Variants in SYT17 observed in about 807,000 individuals in gnomAD.
SYT17 encodes the protein synaptotagmin-17.
A neutral mutation model predicts 46.7 loss-of-function variants in SYT17; 22 were observed. The ratio of observed to expected loss-of-function variants is 0.47; its 90% confidence interval spans 0.34 to 0.67. The LOEUF (loss-of-function observed/expected upper bound fraction) is 0.67, where lower values mean the gene tolerates loss of function less well. Among genes scored for constraint, SYT17 ranks in the 30% least tolerant of loss-of-function variants. The probability of loss-of-function intolerance (pLI) is 0.01; values close to 1 mark genes in which losing one functional copy is unlikely to be tolerated. For synonymous variants in SYT17, 251 were observed against 248.4 expected, an observed-to-expected ratio of 1.01 and a Z score of -0.10; for missense variants, 519 against 612.8, an observed-to-expected ratio of 0.85 and a Z score of 1.62.
chr16:19,193,804 G>T (rs930848199), intron 5 of SYT17, among the ~76,000 whole-genome samples: 1 of 152,152 alleles, frequency 6.6e-6, no homozygotes, highest in Non-Finnish European at 1.5e-5. Flanking sequence ...TTTATTCACC[G>T]AGTTCCCATG....
At chr16:19,249,865 T>C (rs905548956) in intron 7 of SYT17, 544 of 1,467,462 alleles carry the variant, frequency 3.7e-4, no homozygotes, top group Non-Finnish European at 4.7e-4. Flanking sequence ...GGGGGCTCCA[T>C]ACTTTCATCC....
At chr16:19,264,185 G>A (rs978203944) in intron 7 of SYT17, among the ~76,000 whole-genome samples, 8 of 152,196 alleles carry the variant, frequency 5.3e-5, no homozygotes, top group African/African-American at 1.7e-4. Context: ...CCAGAACTGT[G>A]AGCAATAAGT....
intron 5 of SYT17, among the ~76,000 whole-genome samples, chr16:19,186,859 A>G (rs1964811036): frequency 1.3e-5 from 2 of 151,948 alleles, no homozygotes; most frequent in African/African-American, 4.8e-5. Context: ...AGGTCCTATT[A>G]TGTGCCCGGC....
At chr16:19,180,329 G>T in intron 3 of SYT17, 62 bp from the exon 4 acceptor site, 1 of 1,592,014 alleles carries the variant, frequency 6.3e-7, no homozygotes, top group East Asian at 2.2e-5. Context: ...ACCCCCAAGG[G>T]ACAGAGATGC....
chr16:19,266,792 A>T, intron 7 of SYT17, 88 bp from the exon 8 acceptor site: 1 of 1,209,530 alleles, frequency 8.3e-7, no homozygotes, highest in Non-Finnish European at 1.2e-6. Context: ...TGTGTAGACT[A>T]ATGGCCTCTT....
At chr16:19,264,625 A>C (rs989479061) in intron 7 of SYT17, among the ~76,000 whole-genome samples, 2 of 145,952 alleles carry the variant, frequency 1.4e-5, no homozygotes, top group Non-Finnish European at 3.0e-5. Context: ...AAGCAAGGTC[A>C]CTTTGCTACC....
intron 7 of SYT17, among the ~76,000 whole-genome samples, chr16:19,255,975 C>G (rs917213086): frequency 6.6e-6 from 1 of 152,052 alleles, no homozygotes; most frequent in African/African-American, 2.4e-5. Flanking sequence ...CCAAACAGCC[C>G]AAGCCTATTT....
chr16:19,240,770 G>C (rs1241200976), intron 7 of SYT17, among the ~76,000 whole-genome samples: 1 of 152,184 alleles, frequency 6.6e-6, no homozygotes, highest in African/African-American at 2.4e-5. Context: ...TTCATGCCGA[G>C]AGGCACCTGC....
At chr16:19,207,263 T>C (rs1329790159) in intron 5 of SYT17, among the ~76,000 whole-genome samples, 1 of 152,234 alleles carries the variant, frequency 6.6e-6, no homozygotes, top group Non-Finnish European at 1.5e-5. Flanking sequence ...CCTCTTTTCT[T>C]TATAAATTAC....
intron 7 of SYT17, 107 bp downstream of exon 7, chr16:19,224,945 T>C (rs753776272): frequency 1.5e-4 from 194 of 1,324,752 alleles, no homozygotes; most frequent in Middle Eastern, 2.6e-4. Flanking sequence ...ACGTAATGTC[T>C]GGCATTCAAC....
intron 7 of SYT17, among the ~76,000 whole-genome samples, chr16:19,237,052 T>A (rs934961789): frequency 6.6e-6 from 1 of 152,192 alleles, no homozygotes; most frequent in Non-Finnish European, 1.5e-5. Context: ...TAGAGATCAG[T>A]CCCTAGGAGC....
intron 5 of SYT17, among the ~76,000 whole-genome samples, chr16:19,190,649 C>T (rs1392457529): frequency 6.6e-6 from 1 of 152,148 alleles, no homozygotes; most frequent in African/African-American, 2.4e-5. Flanking sequence ...TAAGTAGAGT[C>T]ATAGATTATT....
At chr16:19,246,180 C>T (rs1191084040) in intron 7 of SYT17, among the ~76,000 whole-genome samples, 6 of 151,734 alleles carry the variant, frequency 4.0e-5, no homozygotes, top group Admixed American at 1.3e-4. Context: ...TTAGTAGAAT[C>T]GGGGTTTCAC....
At chr16:19,254,022 C>T (rs1431071358) in intron 7 of SYT17, among the ~76,000 whole-genome samples, 1 of 152,228 alleles carries the variant, frequency 6.6e-6, no homozygotes, top group Non-Finnish European at 1.5e-5. Flanking sequence ...AACCACCGCA[C>T]CCAGTCCTCT....
At chr16:19,265,069 T>C (rs1969270446) in intron 7 of SYT17, among the ~76,000 whole-genome samples, 1 of 152,220 alleles carries the variant, frequency 6.6e-6, no homozygotes, top group African/African-American at 2.4e-5. Flanking sequence ...TATCTTATTT[T>C]AGATTTGAGG....
Position 19,183,423 on chromosome 16 carries a change from T to C in SYT17, c.332-105T>C. 3 of 1,456,664 alleles carry C rather than the reference T, an allele frequency of 2.1e-6. No homozygotes were observed. The South Asian group carries it at 3.9e-5, about 19-fold the overall frequency. 90.2% of individuals were successfully genotyped at this position (1,456,664 alleles called of 1,614,324 possible). ...AGAGTGTGGAGAAAGATGGCAAAGG[T>C]CATTCTGAAGCAGAGTAAACAATGC... On this transcript the variant is annotated intron_variant, in intron 4 of 7. Coordinates refer to ENST00000355377, the MANE Select transcript of SYT17 (RefSeq NM_016524.4). The surrounding 1 kb of genome is among the most constrained non-coding windows in gnomAD (Gnocchi z 5.6).
rs77536414 is a variant in SYT17, at chr16:19,259,872, G to T, written c.1229-7008G>T. Among the ~76,000 whole-genome samples, 474 of 152,198 alleles carry T rather than the reference G, an allele frequency of 3.1e-3. 2 individuals carry two copies. The highest frequency in any genetic ancestry group is 0.011 in the African/African-American group (452 of 41,532). On this transcript the variant is annotated intron_variant, in intron 7 of 7. Coordinates refer to ENST00000355377, the MANE Select transcript of SYT17 (RefSeq NM_016524.4). ...ATGAAACAGCCTCAGGAGGTCCAGA[G>T]GACATGCGCCCAAGGTGGTCAGGCT...
At chr16:19,188,402 G>A (rs113708492) in intron 5 of SYT17, among the ~76,000 whole-genome samples, 8,506 of 150,666 alleles carry the variant, frequency 0.056, 300 homozygotes, top group Middle Eastern at 0.089. Context: ...TTAATACCTG[G>A]GTGATGAAAT....
At chr16:19,230,000 A>G (rs1356618191) in intron 7 of SYT17, among the ~76,000 whole-genome samples, 2 of 152,214 alleles carry the variant, frequency 1.3e-5, no homozygotes, top group Non-Finnish European at 2.9e-5. Context: ...TGAAATACCT[A>G]GAGTAGTCAA....
Sources: allele counts gnomAD v4.1 joint callset (sites outside exome capture counted in the v4.1 genomes callset), GRCh38; gene constraint gnomAD v4.1.1; non-coding constraint Gnocchi (gnomAD v3.1); transcripts MANE v1.5; gene names NCBI Gene and HGNC (gene_info 2026-07-23, HGNC 2026-07-21).